MACF1: variants seen among roughly 807,000 people sequenced by gnomAD.
The protein encoded by MACF1 is microtubule-actin cross-linking factor 1.
In MACF1, 193 loss-of-function variants were observed where a neutral mutation model predicts 854.8. The observed-to-expected ratio is 0.23, with a 90% confidence interval of 0.20 to 0.25. MACF1 has a LOEUF of 0.25. Among genes scored for constraint, MACF1 ranks in the 10% least tolerant of loss-of-function variants. The pLI, the probability that MACF1 is intolerant of heterozygous loss-of-function variation, is 1.00. For missense variants in MACF1, 7,722 were observed against 8,929.1 expected (o/e 0.86, Z 5.45); for synonymous variants, 3,185 against 3,226.7 (o/e 0.99, Z 0.44).
chr1:39,120,479 C>T (rs1369558175), intron 2 of MACF1, among the ~76,000 whole-genome samples: 1 of 152,052 alleles, frequency 6.6e-6, no homozygotes, highest in African/African-American at 2.4e-5. Flanking sequence ...ATTCTCCTGC[C>T]TCAGCCTCCC....
Position 39,311,017 on chromosome 1 carries a change from A to G in MACF1, c.3270+17A>G, listed in dbSNP as rs557296971. The G allele has an allele frequency of 1.2e-6, 2 of 1,604,588 alleles. No individual in the cohort carries two copies. Among genetic ancestry groups the G allele is most frequent in the African/African-American group, 1.3e-5 (1 of 74,816 alleles). On this transcript the variant is annotated intron_variant, in intron 26 of 100. Coordinates refer to ENST00000564288, the MANE Select transcript of MACF1 (RefSeq NM_001394062.1). ...GAGCAAGAGGTAAGCCCTAAGAGCC[A>G]TGTGGATGCTGGTTGTGGAGTGAAT...
chr1:39,426,016 C>G (rs560261136), intron 61 of MACF1, among the ~76,000 whole-genome samples: 63 of 152,196 alleles, frequency 4.1e-4, no homozygotes, highest in Non-Finnish European at 6.9e-4. Context: ...GCTCTTCTCC[C>G]TAAAAATACC....
chr1:39,442,671 A>G (rs1644143627), intron 77 of MACF1, 43 bp from the exon 78 acceptor site: 5 of 1,611,176 alleles, frequency 3.1e-6, no homozygotes, highest in East Asian at 4.5e-5. Flanking sequence ...ACCAAGTTAG[A>G]TGATATCCAT....
intron 23 of MACF1, among the ~76,000 whole-genome samples, chr1:39,308,433 G>T (rs909840927): frequency 6.6e-6 from 1 of 152,030 alleles, no homozygotes; most frequent in Non-Finnish European, 1.5e-5. Flanking sequence ...TAAACTTACG[G>T]ATTTAATGCC....
chr1:39,440,385 C>T (rs1049379621), intron 72 of MACF1, among the ~76,000 whole-genome samples: 2 of 152,044 alleles, frequency 1.3e-5, no homozygotes, highest in African/African-American at 2.4e-5. Context: ...GGATTACAGG[C>T]GTGAGACACT....
chr1:39,410,182 TTTATAAC>T, intron 58 of MACF1: 1 of 1,043,846 alleles, frequency 9.6e-7, no homozygotes, highest in Non-Finnish European at 1.4e-6. Context: ...GCTAAAAGGA[TTTATAAC>T]TTATGTAGAA....
chr1:39,423,810 A>T (rs944121901), intron 60 of MACF1, among the ~76,000 whole-genome samples: 2 of 151,904 alleles, frequency 1.3e-5, no homozygotes, highest in African/African-American at 4.8e-5. Context: ...TCACATAATG[A>T]CAGTCACTGC....
At chr1:39,181,691 C>G (rs927841199) in intron 2 of MACF1, among the ~76,000 whole-genome samples, 2 of 152,078 alleles carry the variant, frequency 1.3e-5, no homozygotes, top group African/African-American at 2.4e-5. Context: ...CAGGATGGTA[C>G]TGGCATAGGG....
chr1:39,275,380 A>T (rs1322071533), intron 6 of MACF1, among the ~76,000 whole-genome samples: 4 of 151,042 alleles, frequency 2.6e-5, no homozygotes, highest in South Asian at 4.2e-4. Context: ...TGCGCCTGTA[A>T]TTTTTTTTAA....
In MACF1 at chr1:39,442,390, CT is replaced by C. The variant is rs1644137889; in HGVS notation, c.18949-19del. The C allele has an allele frequency of 1.9e-6, 3 of 1,611,020 alleles. No individual in the cohort carries two copies. The East Asian group carries it at 6.7e-5, about 36-fold the overall frequency. On this transcript the variant is annotated intron_variant, in intron 76 of 100. Transcript: ENST00000564288. ...TTTCTAATTTCGTATTGAATATTCC[CT>C]TTCTGTCTTTTCCTGAGTAGCACAA...
At chr1:39,097,239 G>A (rs11205637) in intron 2 of MACF1, among the ~76,000 whole-genome samples, 9,929 of 152,086 alleles carry the variant, frequency 0.065, 457 homozygotes, top group Non-Finnish European at 0.093. Flanking sequence ...CCCTCCTAGC[G>A]TTGCTTGGCT....
chr1:39,431,991 G>A, intron 66 of MACF1, among the ~76,000 whole-genome samples: 1 of 152,206 alleles, frequency 6.6e-6, no homozygotes, highest in East Asian at 1.9e-4. Context: ...GGGCAGGGAA[G>A]GATGGAGGAT....
chr1:39,110,695 C>T (rs1460987747), intron 2 of MACF1, among the ~76,000 whole-genome samples: 56 of 152,140 alleles, frequency 3.7e-4, no homozygotes, highest in Admixed American at 3.6e-3. Flanking sequence ...AAGTTTTGGC[C>T]ACATTCATGC....
At chr1:39,404,260 C>CTT (rs1440391435) in intron 58 of MACF1, among the ~76,000 whole-genome samples, 2 of 151,586 alleles carry the variant, frequency 1.3e-5, no homozygotes, top group Non-Finnish European at 2.9e-5. Flanking sequence ...GAGGCTTAGG[C>CTT]AGGTGCATCA....
intron 1 of MACF1, among the ~76,000 whole-genome samples, chr1:39,218,594 T>C (rs1351662988): frequency 6.6e-6 from 1 of 152,204 alleles, no homozygotes; most frequent in African/African-American, 2.4e-5. Context: ...CTAAGAACTA[T>C]TGAGCTTTTC....
At chr1:39,215,072 A>T (rs545820944) in intron 1 of MACF1, among the ~76,000 whole-genome samples, 1 of 152,160 alleles carries the variant, frequency 6.6e-6, no homozygotes, top group African/African-American at 2.4e-5. Flanking sequence ...TGTACGCTCT[A>T]TTGGTCTGGA....
At chr1:39,210,946 C>T (rs778170534) in intron 1 of MACF1, among the ~76,000 whole-genome samples, 5 of 145,010 alleles carry the variant, frequency 3.4e-5, no homozygotes, top group Non-Finnish European at 7.6e-5. Context: ...TCTCTCTTTC[C>T]CTTCTTTCCC....
At chr1:39,244,379 T>G (rs1412335458) in intron 2 of MACF1, among the ~76,000 whole-genome samples, 1 of 152,116 alleles carries the variant, frequency 6.6e-6, no homozygotes, top group Non-Finnish European at 1.5e-5. Context: ...CCTCCGAGGT[T>G]CAAGTGATTT....
chr1:39,365,647 T>C (rs995112111), intron 49 of MACF1, among the ~76,000 whole-genome samples: 2 of 152,158 alleles, frequency 1.3e-5, no homozygotes, highest in African/African-American at 4.8e-5. Flanking sequence ...AATTTTTATA[T>C]GTCTTTGAGT....
Sources: allele counts gnomAD v4.1 joint callset (sites outside exome capture counted in the v4.1 genomes callset), GRCh38; gene constraint gnomAD v4.1.1; transcripts MANE v1.5; gene names NCBI Gene and HGNC (gene_info 2026-07-23, HGNC 2026-07-21).